Variants in PAQR3 observed in about 807,000 individuals in gnomAD.
PAQR3 encodes Raf kinase trapping to Golgi.
PAQR3 carries 39 observed loss-of-function variants against 41.7 expected under a neutral mutation model. That is an observed-to-expected ratio of 0.93 (90% CI 0.72 to 1.22). The LOEUF (loss-of-function observed/expected upper bound fraction) is 1.22, where lower values mean the gene tolerates loss of function less well. Ranked by LOEUF, PAQR3 falls within the 50% of genes most tolerant of loss-of-function variation. PAQR3 has a pLI of 0.00. For synonymous variants in PAQR3, 140 were observed against 140.6 expected, an observed-to-expected ratio of 1.00 and a Z score of 0.03; for missense variants, 366 against 385.6, an observed-to-expected ratio of 0.95 and a Z score of 0.42.
At chr4:78,934,345 C>G (rs976002101) in intron 2 of PAQR3, among the ~76,000 whole-genome samples, 2 of 152,180 alleles carry the variant, frequency 1.3e-5, no homozygotes, top group African/African-American at 2.4e-5. Flanking sequence ...ATTCACCTCT[C>G]AAACTCAGCA....
In PAQR3 at chr4:78,920,458, G is replaced by C. The variant is rs780780237; in HGVS notation, c.*81C>G. The C allele has an allele frequency of 1.1e-4, 157 of 1,429,712 alleles. No homozygotes were observed. Among genetic ancestry groups the C allele is most frequent in the Non-Finnish European group, 1.4e-4 (155 of 1,087,878 alleles). The allele number at this position is 1,429,712 out of a possible 1,614,324, so 88.6% of individuals were successfully genotyped here. The stretch of plus-strand genomic sequence containing the variant: ...AAAAAGGAAAAAGGGAAAACTAATG[G>C]GAATCTTAGAAATAGTGGGGTATAC... On this transcript the variant is annotated 3_prime_UTR_variant, in exon 6 of 6. Coordinates refer to ENST00000512733, the MANE Select transcript of PAQR3 (RefSeq NM_001040202.2).
intron 1 of PAQR3, among the ~76,000 whole-genome samples, chr4:78,938,315 A>T (rs6843690): frequency 0.84 from 127,232 of 151,878 alleles, 53,345 homozygotes; most frequent in East Asian, 0.9. Flanking sequence ...TTGTTTTTTT[A>T]AAACACGGAT....
rs1014439137 is a variant in PAQR3 at position 78,918,309 on chromosome 4, C to A, written c.*2230G>T. ...TTACAAGGCTCAGATTTGTAGACAACTTTAAAATATTTTTTAATGTTAACA... is the reference window on the plus strand; with the variant it reads ...TTACAAGGCTCAGATTTGTAGACAAATTTAAAATATTTTTTAATGTTAACA... On this transcript the variant is annotated 3_prime_UTR_variant, in exon 6 of 6. Coordinates refer to ENST00000512733, the MANE Select transcript of PAQR3 (RefSeq NM_001040202.2). The A allele has an allele frequency of 5.2e-6, 5 of 969,666 alleles. No individual in the cohort carries two copies. In the Admixed American group the frequency reaches 3.1e-4, roughly 60 times the overall value. 60.1% of individuals were successfully genotyped at this position (969,666 alleles called of 1,614,324 possible).
chr4:78,923,819 G>T, intron 5 of PAQR3, 38 bp downstream of exon 5: 1 of 1,376,718 alleles, frequency 7.3e-7, no homozygotes, highest in Non-Finnish European at 1.0e-6. Flanking sequence ...CATATATTTA[G>T]ACTAACAATA....
At position 78,914,984 on chromosome 4, in the gene PAQR3, A is replaced by G. The variant is rs1216612960; in HGVS notation, c.*5555T>C. On this transcript the variant is annotated 3_prime_UTR_variant, in exon 6 of 6. Coordinates refer to ENST00000512733, the MANE Select transcript of PAQR3 (RefSeq NM_001040202.2). ...CGTCAGTAAAATGTTAGTATTAAAA[A>G]GATCAGCTTTTTATGGCATTGAAGA... 6.6e-6 allele frequency: 1 copy of G among 152,046 alleles called. No homozygotes were observed. The highest frequency in any genetic ancestry group is 2.4e-5 in the African/African-American group (1 of 41,428). The allele number at this position is 152,046 out of a possible 1,614,324, so 9.4% of individuals were successfully genotyped here. A position where few individuals can be genotyped will look rare whatever the true frequency, so the allele number is the denominator to read the frequency against.
chr4:78,897,937 A>G (rs928353392), intron 11 of PAQR3, among the ~76,000 whole-genome samples: 1 of 152,228 alleles, frequency 6.6e-6, no homozygotes, highest in Admixed American at 6.5e-5. Context: ...AAATGCTACA[A>G]TAGATAAATT....
chr4:78,905,401 GAAGA>G (rs1199345569), intron 11 of PAQR3, among the ~76,000 whole-genome samples: 1 of 151,758 alleles, frequency 6.6e-6, no homozygotes, highest in Non-Finnish European at 1.5e-5. Context: ...TAAAGAAAAA[GAAGA>G]AATACATTAC....
chr4:78,909,614 T>C (rs1181060559), downstream of PAQR3, among the ~76,000 whole-genome samples: 1 of 152,186 alleles, frequency 6.6e-6, no homozygotes, highest in Admixed American at 6.5e-5. Flanking sequence ...TTGCTTTTAT[T>C]GGAAGCTGCT....
intron 5 of PAQR3, chr4:78,922,328 G>A (rs752487617): frequency 3.1e-6 from 4 of 1,287,722 alleles, no homozygotes; most frequent in Non-Finnish European, 4.0e-6. Flanking sequence ...TCTGTGGGAT[G>A]GATTGTTTAG....
chr4:78,895,376 T>G (rs1387094209), intron 11 of PAQR3, among the ~76,000 whole-genome samples: 1 of 152,232 alleles, frequency 6.6e-6, no homozygotes, highest in Non-Finnish European at 1.5e-5. Context: ...TTCACACATT[T>G]TGATATGCTG....
intron 11 of PAQR3, among the ~76,000 whole-genome samples, chr4:78,889,838 A>T (rs1269924960): frequency 3.3e-5 from 5 of 152,222 alleles, no homozygotes; most frequent in African/African-American, 7.2e-5. Context: ...TTTTTAGTAA[A>T]CCATATAGAG....
chr4:78,927,581 A>T (rs1277275485), intron 3 of PAQR3, among the ~76,000 whole-genome samples: 3 of 152,264 alleles, frequency 2.0e-5, no homozygotes, highest in Non-Finnish European at 4.4e-5. Flanking sequence ...GCAGTAGAGG[A>T]AAGCCTGACT....
Position 78,919,908 on chromosome 4 carries a change from C to A in PAQR3, c.*631G>T, listed in dbSNP as rs1735490268. On this transcript the variant is annotated 3_prime_UTR_variant, in exon 6 of 6. Transcript: ENST00000512733. The stretch of plus-strand genomic sequence containing the variant: ...AAATGAGAAGTTCTTTTCCTCTTCT[C>A]AACCCTTCTCTCAACTTACTGCAGA... 2.0e-6 allele frequency: 2 copies of A among 985,246 alleles called. No homozygotes were observed. Among genetic ancestry groups the A allele is most frequent in the African/African-American group, 3.5e-5 (2 of 57,182 alleles). 61.0% of individuals were successfully genotyped at this position (985,246 alleles called of 1,614,324 possible).
At chr4:78,896,447 CTGTG>C (rs937439561) in intron 11 of PAQR3, among the ~76,000 whole-genome samples, 1 of 152,106 alleles carries the variant, frequency 6.6e-6, no homozygotes, top group Non-Finnish European at 1.5e-5. Flanking sequence ...CACCTACTTG[CTGTG>C]TGTATCAGTT....
chr4:78,887,390 A>G, intron 12 of PAQR3: 1 of 804,560 alleles, frequency 1.2e-6, no homozygotes, highest in Non-Finnish European at 2.0e-6. Flanking sequence ...TAGCTACAGA[A>G]AGTAGAAAAT....
downstream of PAQR3, among the ~76,000 whole-genome samples, chr4:78,907,815 A>G (rs1734363097): frequency 6.6e-6 from 1 of 152,144 alleles, no homozygotes; most frequent in South Asian, 2.1e-4. Flanking sequence ...ACTTTGGGCA[A>G]CATTGGAATG....
intron 5 of PAQR3, 175 bp downstream of exon 5, chr4:78,923,682 G>C (rs1404921151): frequency 2.7e-5 from 17 of 622,900 alleles, no homozygotes. Flanking sequence ...ACATGATCAG[G>C]ATGAAAGGAA....
intron 1 of PAQR3, among the ~76,000 whole-genome samples, chr4:78,935,892 A>C (rs191646735): frequency 4.5e-4 from 68 of 152,360 alleles, no homozygotes; most frequent in Admixed American, 7.8e-4. Context: ...TTTGCCGTGG[A>C]TGTTTTAAAA....
chr4:78,922,443 G>C, intron 5 of PAQR3: 3 of 1,288,170 alleles, frequency 2.3e-6, no homozygotes, highest in Non-Finnish European at 3.0e-6. Context: ...AAGAAGAGGG[G>C]ATAAATTTGC....
Sources: gnomAD v4.1 joint callset for allele counts (sites outside exome capture counted in the v4.1 genomes callset) on GRCh38, gnomAD v4.1.1 for gene constraint, MANE v1.5 for transcripts, NCBI Gene and HGNC (gene_info 2026-07-23, HGNC 2026-07-21) for gene names.